The following PRR5L variants were observed in gnomAD, a reference collection of about 807,000 sequenced individuals.
PRR5L encodes the protein proline-rich protein 5-like.
Under a neutral mutation model 36.4 loss-of-function variants are expected in PRR5L, and 21 were observed. That is an observed-to-expected ratio of 0.58 (90% CI 0.41 to 0.83). The LOEUF is 0.83. Ranked by LOEUF, PRR5L falls within the 40% of genes least tolerant of loss-of-function variation. The pLI is 0.00. For missense variants in PRR5L, 381 were observed against 473.3 expected, an observed-to-expected ratio of 0.80 and a Z score of 1.81; for synonymous variants, 188 against 197.0, an observed-to-expected ratio of 0.95 and a Z score of 0.38.
intron 5 of PRR5L, among the ~76,000 whole-genome samples, chr11:36,435,703 C>T (rs10836561): frequency 0.27 from 39,542 of 148,256 alleles, 5,268 homozygotes; most frequent in East Asian, 0.43. Flanking sequence ...GATCATATTA[C>T]TGATGTTTTC....
chr11:36,341,024 C>A (rs899227417), intron 1 of PRR5L, among the ~76,000 whole-genome samples: 1 of 152,172 alleles, frequency 6.6e-6, no homozygotes, highest in African/African-American at 2.4e-5. Flanking sequence ...AGCCCATAAA[C>A]AAATGTAATC....
chr11:36,373,828 A>G (rs115049807), intron 1 of PRR5L, among the ~76,000 whole-genome samples: 6,117 of 152,136 alleles, frequency 0.04, 405 homozygotes, highest in African/African-American at 0.14. Context: ...TTATTGCACA[A>G]TGCCCTGCCC....
chr11:36,345,236 C>G (rs1856853095), intron 1 of PRR5L, among the ~76,000 whole-genome samples: 1 of 152,050 alleles, frequency 6.6e-6, no homozygotes, highest in Non-Finnish European at 1.5e-5. Flanking sequence ...CACGTGACTG[C>G]CAGCCCAAGG....
In PRR5L at chr11:36,351,740, A is replaced by G. The variant is rs180686060; in HGVS notation, c.-125-49257A>G. 3.8e-4 allele frequency among the ~76,000 whole-genome samples: 40 copies of G among 106,614 alleles called. No individual in the cohort carries two copies. In the East Asian group the frequency reaches 8.4e-3, roughly 22 times the overall value. The allele number at this position is 106,614 out of a possible 152,430, so 69.9% of individuals were successfully genotyped here. A position where few individuals can be genotyped will look rare whatever the true frequency, so the allele number is the denominator to read the frequency against. On this transcript the variant is annotated intron_variant, in intron 1 of 8. Transcript: ENST00000530639. ...ATATTTATATATTTTTTATATATTT[A>G]TATATAATTTATATATATTTATATA...
chr11:36,419,405 C>A, intron 4 of PRR5L, 102 bp downstream of exon 4: 1 of 1,009,410 alleles, frequency 9.9e-7, no homozygotes, highest in Non-Finnish European at 1.6e-6. Flanking sequence ...CTTCAACAGA[C>A]AAAATTACGT....
At chr11:36,338,601 C>A (rs773483059) in intron 1 of PRR5L, among the ~76,000 whole-genome samples, 4 of 152,158 alleles carry the variant, frequency 2.6e-5, no homozygotes, top group African/African-American at 4.8e-5. Context: ...GATTCCCTGA[C>A]GGCAGGATCC....
chr11:36,462,718 C>A lies in PRR5L; in HGVS notation c.1089C>A (p.Asn363Lys). The change falls in exon 9 of 9, where the codon AAC becomes AAA. Residue 363 changes from asparagine (N) to lysine (K), a missense_variant. By Grantham distance (94) the Asn-to-Lys change is moderately conservative. Transcript: ENST00000530639. ...GCAGCCAGGAGGGCTCGGAGCTGAACTGTGCTTCCCTCAGCTGAGTCGCCA... is the reference window on the plus strand; with the variant it reads ...GCAGCCAGGAGGGCTCGGAGCTGAAATGTGCTTCCCTCAGCTGAGTCGCCA... The part of the protein sequence containing the change: ...ARGSQEGSEL[N>K]CASLS The A allele has an allele frequency of 1.3e-6, 2 of 1,563,282 alleles. No homozygotes were observed. The highest frequency in any genetic ancestry group is 8.7e-7 in the Non-Finnish European group (1 of 1,154,418).
At chr11:36,313,843 C>A (rs948633035) in intron 1 of PRR5L, among the ~76,000 whole-genome samples, 1 of 152,186 alleles carries the variant, frequency 6.6e-6, no homozygotes, top group African/African-American at 2.4e-5. Context: ...ACTGCCATTG[C>A]TGATTTCTCC....
intron 3 of PRR5L, among the ~76,000 whole-genome samples, chr11:36,410,543 G>A (rs1249092552): frequency 6.6e-6 from 1 of 152,200 alleles, no homozygotes; most frequent in African/African-American, 2.4e-5. Context: ...ACTCCTACCT[G>A]TGAGGCTGTT....
intron 1 of PRR5L, among the ~76,000 whole-genome samples, chr11:36,379,872 C>A (rs1247429959): frequency 6.6e-6 from 1 of 152,136 alleles, no homozygotes; most frequent in Non-Finnish European, 1.5e-5. Flanking sequence ...TCAGGTATAG[C>A]TATGGTAATG....
intron 6 of PRR5L, 36 bp from the exon 7 acceptor site, chr11:36,446,264 C>G (rs753459262): frequency 5.6e-6 from 9 of 1,607,796 alleles, no homozygotes; most frequent in East Asian, 2.2e-5. Flanking sequence ...TCAGTAAGCT[C>G]TCACCTCCCG....
At chr11:36,307,457 T>A (rs1410068919) in intron 1 of PRR5L, among the ~76,000 whole-genome samples, 1 of 152,212 alleles carries the variant, frequency 6.6e-6, no homozygotes, top group Non-Finnish European at 1.5e-5. Flanking sequence ...GGGAGGTTGA[T>A]TCAGCAGCTC....
At position 36,446,309 on chromosome 11, in the gene PRR5L, C is replaced by G; in HGVS notation, c.454C>G (p.Leu152Val). The change falls in exon 7 of 9, where the codon CTG becomes GTG. Residue 152 changes from leucine (L) to valine (V), a missense_variant. Leu to Val is a conservative substitution (Grantham distance 32, BLOSUM62 1). Transcript: ENST00000530639. ...AIFYPVQGQE[L>V]TIRQISLLGF... ...CCTCTGTCCCCTCTAGGGCCAGGAG[C>G]TGACTATCCGCCAGATCTCCCTGCT... 6.2e-7 allele frequency: 1 copy of G among 1,613,784 alleles called. No homozygotes were observed. Among genetic ancestry groups the G allele is most frequent in the Non-Finnish European group, 8.5e-7 (1 of 1,180,004 alleles).
intron 8 of PRR5L, among the ~76,000 whole-genome samples, chr11:36,452,081 A>G (rs546587899): frequency 5.9e-5 from 9 of 152,350 alleles, no homozygotes; most frequent in African/African-American, 2.2e-4. Flanking sequence ...AATAATTATA[A>G]TAATAAAAAA....
intron 3 of PRR5L, among the ~76,000 whole-genome samples, chr11:36,415,078 T>G (rs942076392): frequency 1.3e-5 from 2 of 150,558 alleles, no homozygotes; most frequent in Non-Finnish European, 3.0e-5. Flanking sequence ...TATATCTCTG[T>G]TTTGGTAGCA....
intron 1 of PRR5L, chr11:36,380,554 T>C (rs934326300): frequency 2.0e-5 from 3 of 152,162 alleles, no homozygotes; most frequent in African/African-American, 7.2e-5. Flanking sequence ...TCGGATTTCA[T>C]GTACGGGAGA....
chr11:36,437,355 C>T (rs765373728), intron 5 of PRR5L, 30 bp from the exon 6 acceptor site: 3 of 1,390,322 alleles, frequency 2.2e-6, no homozygotes, highest in South Asian at 1.2e-5. Flanking sequence ...TTCTTTCTTC[C>T]TCCCTTCCCA....
intron 1 of PRR5L, among the ~76,000 whole-genome samples, chr11:36,353,468 T>C (rs191774835): frequency 2.0e-3 from 312 of 152,232 alleles, no homozygotes; most frequent in African/African-American, 7.4e-3. Context: ...CAAAAATATA[T>C]TGTGTATGTA....
chr11:36,446,124 G>A (rs753350683), intron 6 of PRR5L, among the ~76,000 whole-genome samples, 176 bp from the exon 7 acceptor site: 10 of 152,196 alleles, frequency 6.6e-5, no homozygotes, highest in Admixed American at 5.2e-4. Flanking sequence ...TATCTTAACA[G>A]CATTTTAATT....
Sources: gnomAD v4.1 joint callset for allele counts (sites outside exome capture counted in the v4.1 genomes callset) on GRCh38, gnomAD v4.1.1 for gene constraint, MANE v1.5 for transcripts, NCBI Gene and HGNC (gene_info 2026-07-23, HGNC 2026-07-21) for gene names.